The following TP53I13 variants were observed in gnomAD, a reference collection of about 807,000 sequenced individuals.
TP53I13 encodes the protein tumor protein p53 inducible protein 13.
A neutral mutation model predicts 39.1 loss-of-function variants in TP53I13; 27 were observed. The ratio of observed to expected loss-of-function variants is 0.69; its 90% CI spans 0.51 to 0.95. TP53I13 has a LOEUF of 0.95. Ranked by LOEUF, TP53I13 falls within the 40% of genes least tolerant of loss-of-function variation. TP53I13 has a pLI of 0.00. For synonymous variants in TP53I13, 230 were observed against 224.6 expected (o/e 1.02, Z -0.22); for missense variants, 544 against 520.4 (o/e 1.05, Z -0.44).
intron 2 of TP53I13, 65 bp from the exon 3 acceptor site, chr17:29,569,253 C>G: frequency 6.4e-7 from 1 of 1,569,974 alleles, no homozygotes; most frequent in Non-Finnish European, 8.7e-7. Context: ...CCTGCCGTCC[C>G]CTCCCCACCA....
At chr17:29,575,729 G>T, downstream of TP53I13, 1 of 1,611,858 alleles carries the variant, frequency 6.2e-7, no homozygotes, top group South Asian at 1.1e-5. The surrounding 1 kb of genome is among the most constrained non-coding windows in gnomAD (Gnocchi z 5.5). Flanking sequence ...AAGGGGCTGT[G>T]AGCGCCGTGT....
chr17:29,581,239 G>T, the TP53I13 span: 1 of 845,052 alleles, frequency 1.2e-6, no homozygotes. The surrounding 1 kb of genome is among the most constrained non-coding windows in gnomAD (Gnocchi z 4.8). Flanking sequence ...GGAGGGAGCA[G>T]GGTCCTAGGC....
At chr17:29,570,935 G>A (rs2032900115) in intron 3 of TP53I13, 1 of 152,376 alleles carries the variant, frequency 6.6e-6, no homozygotes, top group Admixed American at 6.5e-5. Context: ...GATGGCATCA[G>A]CCTTTATTCC....
At chr17:29,582,089 G>A in the TP53I13 span, 1 of 1,604,654 alleles carries the variant, frequency 6.2e-7, no homozygotes, top group Non-Finnish European at 8.5e-7. Flanking sequence ...GGCACCCAGG[G>A]AGAGCAGGCG....
At chr17:29,575,641 G>T, downstream of TP53I13, 1 of 1,611,986 alleles carries the variant, frequency 6.2e-7, no homozygotes, top group South Asian at 1.1e-5. The surrounding 1 kb of genome is among the most constrained non-coding windows in gnomAD (Gnocchi z 5.5). Context: ...CCAGCAGTGG[G>T]TCCCCACTTT....
the TP53I13 span, chr17:29,579,062 G>C: frequency 2.5e-5 from 34 of 1,357,704 alleles, no homozygotes; most frequent in Non-Finnish European, 3.5e-5. Flanking sequence ...GGCAGCACAC[G>C]CCTTTTCACA....
At chr17:29,581,320 C>T in the TP53I13 span, 1 of 1,596,522 alleles carries the variant, frequency 6.3e-7, no homozygotes, top group Non-Finnish European at 8.6e-7. This position sits in a 1 kb window ranked among gnomAD's most constrained non-coding sequence, Gnocchi z 4.8. Context: ...TGGAAAGGGG[C>T]ATCAGGTGGG....
downstream of TP53I13, chr17:29,576,831 C>T (rs1321963794): frequency 6.3e-7 from 1 of 1,578,674 alleles, no homozygotes; most frequent in Non-Finnish European, 8.6e-7. Context: ...GGTCAGGGCA[C>T]AGGGGAGTGG....
Position 29,571,973 on chromosome 17 carries a change from G to C in TP53I13, c.429G>C (p.Trp143Cys), listed in dbSNP as rs1477637644. The C allele has an allele frequency of 8.7e-6, 14 of 1,613,046 alleles. No homozygotes were observed. The East Asian group carries it at 3.1e-4, about 36-fold the overall frequency. ...GGAAGCAGAGGAAGAAGAAGGCATGGATCTACTGTGAAAGCCTTTCAGGGC... is the reference window on the plus strand; with the variant it reads ...GGAAGCAGAGGAAGAAGAAGGCATGCATCTACTGTGAAAGCCTTTCAGGGC... The part of the protein sequence containing the change: ...RRRKQRKKKA[W>C]IYCESLSGPA... Residue 143 changes from tryptophan to cysteine, a missense_variant, in exon 5 of 7, where the codon TGG becomes TGC. Physicochemically the swap from Trp to Cys is radical, Grantham distance 215. Coordinates refer to ENST00000301057, the MANE Select transcript of TP53I13 (RefSeq NM_138349.4).
chr17:29,578,418 A>G, the TP53I13 span: 1 of 1,551,038 alleles, frequency 6.4e-7, no homozygotes, highest in Non-Finnish European at 8.9e-7. Flanking sequence ...ATCGGCTCCC[A>G]GTGCCAAGGC....
the TP53I13 span, chr17:29,582,152 G>C: frequency 6.5e-7 from 1 of 1,549,844 alleles, no homozygotes; most frequent in African/African-American, 1.4e-5. Flanking sequence ...TTGCTAAGAG[G>C]AGCAGAGTGT....
At chr17:29,568,309 A>AG (rs1035066504), upstream of TP53I13, 1 of 152,168 alleles carries the variant, frequency 6.6e-6, no homozygotes, top group African/African-American at 2.4e-5. This position sits in a 1 kb window ranked among gnomAD's most constrained non-coding sequence, Gnocchi z 4.5. Context: ...CGGGTTTGCC[A>AG]GGGGAGTGTA....
In TP53I13 at chr17:29,572,125, C is replaced by G. The variant is rs779289120; in HGVS notation, c.514-17C>G. 9 of 1,609,568 alleles carry G rather than the reference C, an allele frequency of 5.6e-6. No individual in the cohort carries two copies. The Admixed American group carries it at 6.7e-5, about 12-fold the overall frequency. ...TGAGAGGGGCAGCAGGGTGATTGCT[C>G]TCTCTCCTCTCCTTAGGCCCTGGCT... is the stretch of plus-strand genomic sequence containing the variant. On this transcript the variant is annotated splice_polypyrimidine_tract_variant and intron_variant, in intron 5 of 6. Transcript: ENST00000301057.
rs531746873 is a variant in TP53I13 at position 29,572,022 on chromosome 17, G to A, written c.478G>A (p.Gly160Ser). ...GCCTGCTCCCTCCGAGCCAACTCCCGGTAGAGGGAGGCTGTGCCGAAGAGG... is the reference window on the plus strand; with the variant it reads ...GCCTGCTCCCTCCGAGCCAACTCCCAGTAGAGGGAGGCTGTGCCGAAGAGG... Reference protein sequence around the residue: ...SGPAPSEPTPGRGRLCRRGCV... With the variant: ...SGPAPSEPTPSRGRLCRRGCV... The change falls in exon 5 of 7, where the codon GGT becomes AGT. Residue 160 changes from glycine to serine, a missense_variant. Coordinates refer to ENST00000301057, the MANE Select transcript of TP53I13 (RefSeq NM_138349.4). The A allele has an allele frequency of 6.0e-5, 97 of 1,613,166 alleles. No individual in the cohort carries two copies. The Middle Eastern group carries it at 6.6e-4, about 11-fold the overall frequency.
downstream of TP53I13, chr17:29,573,828 A>C (rs1273461935): frequency 2.6e-5 from 4 of 151,746 alleles, no homozygotes; most frequent in Non-Finnish European, 5.9e-5. Flanking sequence ...TCCACGCAGG[A>C]GCAGGAGGAG....
Position 29,572,604 on chromosome 17 carries a change from C to T in TP53I13, c.976C>T (p.Leu326=), listed in dbSNP as rs1302256276. Residue 326 remains leucine, a synonymous_variant, in exon 6 of 7, where the codon CTG becomes TTG. Coordinates refer to ENST00000301057, the MANE Select transcript of TP53I13 (RefSeq NM_138349.4). The part of the protein sequence containing the change: ...ALTFLLVLLT[L]ATLCTRLHRN... ...GACCTTCCTGCTGGTGCTGCTCACCCTGGCCACGCTCTGCACACGGCTGCA... is the reference window on the plus strand; with the variant it reads ...GACCTTCCTGCTGGTGCTGCTCACCTTGGCCACGCTCTGCACACGGCTGCA... 6.3e-7 allele frequency: 1 copy of T among 1,591,372 alleles called. No homozygotes were observed. The highest frequency in any genetic ancestry group is 8.5e-7 in the Non-Finnish European group (1 of 1,169,814).
At chr17:29,570,667 G>A (rs560919237) in intron 3 of TP53I13, 12 of 152,056 alleles carry the variant, frequency 7.9e-5, no homozygotes, top group South Asian at 4.2e-4. Context: ...CATATTCTCC[G>A]GCCTGGCTTT....
In TP53I13 at chr17:29,572,795, C is replaced by G; in HGVS notation, c.1070-17C>G. 1 of 1,529,164 alleles carries G rather than the reference C, an allele frequency of 6.5e-7. No individual in the cohort carries two copies. Among genetic ancestry groups the G allele is most frequent in the Non-Finnish European group, 8.8e-7 (1 of 1,140,042 alleles). 94.7% of individuals were successfully genotyped at this position (1,529,164 alleles called of 1,614,324 possible). On this transcript the variant is annotated splice_polypyrimidine_tract_variant and intron_variant, in intron 6 of 6. Transcript: ENST00000301057. ...CCCTGCCCTCCCGCCCTTGACTGCT[C>G]GGCGCCCGGCCCACAGCTGTGCTGA... is the stretch of plus-strand genomic sequence containing the variant.
At chr17:29,579,212 T>A in the TP53I13 span, 2 of 578,680 alleles carry the variant, frequency 3.5e-6, no homozygotes, top group Non-Finnish European at 6.2e-6. Flanking sequence ...GTCAGCCACC[T>A]GGCAGTCACC....
Sources: allele counts gnomAD v4.1 joint callset, GRCh38; gene constraint gnomAD v4.1.1; non-coding constraint Gnocchi (gnomAD v3.1); transcripts MANE v1.5; gene names NCBI Gene and HGNC (gene_info 2026-07-23, HGNC 2026-07-21).